The following UMODL1 variants were observed in gnomAD, a reference collection of about 807,000 sequenced individuals.
The protein encoded by UMODL1 is uromodulin like 1.
In UMODL1, 128 loss-of-function variants were observed where a neutral mutation model predicts 136.3. The observed-to-expected ratio is 0.94, with a 90% confidence interval of 0.81 to 1.09. The LOEUF (loss-of-function observed/expected upper bound fraction) is 1.09, where lower values mean the gene tolerates loss of function less well. Among genes scored for constraint, UMODL1 ranks in the 50% least tolerant of loss-of-function variants. The pLI, the probability that UMODL1 is intolerant of heterozygous loss-of-function variation, is 0.00. For synonymous variants in UMODL1, 721 were observed against 720.0 expected (o/e 1.00, Z -0.02); for missense variants, 1,766 against 1,725.6 (o/e 1.02, Z -0.41).
chr21:42,094,189 A>G (rs1018423745), intron 6 of UMODL1, among the ~76,000 whole-genome samples: 2 of 152,294 alleles, frequency 1.3e-5, no homozygotes, highest in Non-Finnish European at 2.9e-5. Context: ...GCCAAACACA[A>G]AGAGGGGAGG....
chr21:42,096,585 G>A (rs1027855862), intron 6 of UMODL1, among the ~76,000 whole-genome samples: 3 of 152,286 alleles, frequency 2.0e-5, no homozygotes, highest in Non-Finnish European at 2.9e-5. Flanking sequence ...TATAGAATGC[G>A]TTTTTAAATG....
At position 42,135,100 on chromosome 21, in the gene UMODL1, A is replaced by G. The variant is rs548841963; in HGVS notation, c.3776-2339A>G. Among the ~76,000 whole-genome samples the G allele has an allele frequency of 5.3e-5, 8 of 152,286 alleles. No homozygotes were observed. The South Asian group carries it at 1.5e-3, about 28-fold the overall frequency. On this transcript the variant is annotated intron_variant, in intron 21 of 22. Transcript: ENST00000408910. ...TATATCCCCCTTTACAAAAGCAGCC[A>G]TTGCTGAATTTCAGCCGTCATTTAA...
chr21:42,066,630 C>A (rs575913153), upstream of UMODL1, among the ~76,000 whole-genome samples: 1 of 152,320 alleles, frequency 6.6e-6, no homozygotes, highest in East Asian at 1.9e-4. Flanking sequence ...AAACCACCTC[C>A]TGTCATGAAG....
In UMODL1 at chr21:42,099,604, C is replaced by A. The variant is rs928438494; in HGVS notation, c.1186+424C>A. On this transcript the variant is annotated intron_variant, in intron 7 of 22. Transcript: ENST00000408910. The surrounding 1 kb of genome is among the most constrained non-coding windows in gnomAD (Gnocchi z 4.1). ...AGTTCCCTCCCCGAGAGGGGAGCAT[C>A]GCTGACGTTTTCACGCCTTGCTTCA... Among the ~76,000 whole-genome samples, 2 of 152,230 alleles carry A rather than the reference C, an allele frequency of 1.3e-5. No homozygotes were observed. Among genetic ancestry groups the A allele is most frequent in the Non-Finnish European group, 1.5e-5 (1 of 68,038 alleles).
In UMODL1 at chr21:42,095,089, G is replaced by GTTTTTTGTT. The variant is rs2066539447; in HGVS notation, c.932-3831_932-3830insGTTTTTTTT. Reference sequence around the variant, plus strand: ...CATCACTCCTTTGTTTTCTTCTGCTGTTTTTTTTTTTTTTTTTTTTTTTGA... The same window carrying GTTTTTTGTT: ...CATCACTCCTTTGTTTTCTTCTGCTGTTTTTTGTTTTTTTTTTTTTTTTTTTTTTTTTGA... On this transcript the variant is annotated intron_variant, in intron 6 of 22. Transcript: ENST00000408910. Among the ~76,000 whole-genome samples, 9 of 61,186 alleles carry GTTTTTTGTT rather than the reference G, an allele frequency of 1.5e-4. 1 individual carries two copies. Among genetic ancestry groups the GTTTTTTGTT allele is most frequent in the Non-Finnish European group, 2.3e-4 (8 of 34,348 alleles). The allele number at this position is 61,186 out of a possible 152,430, so 40.1% of individuals were successfully genotyped here.
In UMODL1 at chr21:42,103,991, G is replaced by A. The variant is rs375664111; in HGVS notation, c.1423G>A (p.Gly475Arg). The change falls in exon 9 of 23, where the codon GGG (glycine) becomes AGG (arginine). Residue 475 changes from glycine (G) to arginine (R), a missense_variant. Transcript: ENST00000408910. ...GCTCAAGCTCACCGTGCAGGACCCC[G>A]GGTTTCCCATGGGCATCTCCACGCT... ...VRLKLTVQDPGFPMGISTLAP... is the reference protein window; with the variant it reads ...VRLKLTVQDPRFPMGISTLAP... The A allele has an allele frequency of 3.1e-5, 50 of 1,613,862 alleles. No individual in the cohort carries two copies. Among genetic ancestry groups the A allele is most frequent in the Non-Finnish European group, 3.8e-5 (45 of 1,180,020 alleles).
chr21:42,106,484 C>T lies in UMODL1; in HGVS notation c.1519+2397C>T, dbSNP rs561578264. On this transcript the variant is annotated intron_variant, in intron 9 of 22. Coordinates refer to ENST00000408910, the MANE Select transcript of UMODL1 (RefSeq NM_001004416.3). ...GCCGGTGCGTCCACATGTCCCAACCCCGATAGATGAGGCGCTGTTCGCCCG... is the reference window on the plus strand; with the variant it reads ...GCCGGTGCGTCCACATGTCCCAACCTCGATAGATGAGGCGCTGTTCGCCCG... 1.2e-4 allele frequency among the ~76,000 whole-genome samples: 19 copies of T among 152,346 alleles called. No individual in the cohort carries two copies. The South Asian group carries it at 1.4e-3, about 12-fold the overall frequency.
intron 10 of UMODL1, among the ~76,000 whole-genome samples, chr21:42,110,042 G>C (rs947252567): frequency 2.0e-5 from 3 of 152,092 alleles, no homozygotes; most frequent in Admixed American, 6.5e-5. Flanking sequence ...GCCCGGGGTC[G>C]AGGGATTCCT....
chr21:42,131,006 A>G (rs1009949518), intron 21 of UMODL1, among the ~76,000 whole-genome samples: 3 of 151,802 alleles, frequency 2.0e-5, no homozygotes, highest in Non-Finnish European at 1.5e-5. Flanking sequence ...GTAGAGACGG[A>G]GTTTCACTGT....
chr21:42,107,651 C>T (rs939937117), intron 9 of UMODL1, among the ~76,000 whole-genome samples: 10 of 152,204 alleles, frequency 6.6e-5, no homozygotes, highest in Admixed American at 3.9e-4. Context: ...ATCTGACACA[C>T]GCCCCCAGGA....
At chr21:42,096,676 C>A (rs1044034738) in intron 6 of UMODL1, among the ~76,000 whole-genome samples, 4 of 152,178 alleles carry the variant, frequency 2.6e-5, no homozygotes, top group Non-Finnish European at 5.9e-5. Context: ...TGAATGGCAA[C>A]AAGGAGGCAA....
intron 20 of UMODL1, among the ~76,000 whole-genome samples, chr21:42,129,500 G>C (rs750934365): frequency 1.3e-5 from 2 of 152,062 alleles, no homozygotes; most frequent in African/African-American, 4.8e-5. Context: ...TTCCTTCCCC[G>C]CTGACGCCTG....
At chr21:42,064,090 G>A (rs377263725) in intron 1 of UMODL1, among the ~76,000 whole-genome samples, 3 of 152,136 alleles carry the variant, frequency 2.0e-5, no homozygotes, top group East Asian at 1.9e-4. Flanking sequence ...TGTCGAGCCC[G>A]AGGTGAATGT....
chr21:42,088,704 C>CT (rs2066456418), intron 5 of UMODL1, among the ~76,000 whole-genome samples: 1 of 152,100 alleles, frequency 6.6e-6, no homozygotes, highest in African/African-American at 2.4e-5. Context: ...ACCTCTAGAA[C>CT]TTATTTTGCC....
intron 2 of UMODL1, 43 bp from the exon 3 acceptor site, chr21:42,084,041 G>C (rs762359034): frequency 2.4e-5 from 38 of 1,600,220 alleles, no homozygotes; most frequent in Non-Finnish European, 2.9e-5. Flanking sequence ...AATCAGGTTT[G>C]TCTTTTATCG....
rs139481180 is a variant in UMODL1 at position 42,103,948 on chromosome 21, G to A, written c.1380G>A (p.Ala460=). ...GAATGCAGATCGTGTCTCTCCAGGC[G>A]GGAAGTGTGGTCGTGAGGCTCAAGC... ...KLRMQIVSLQ[A]GSVVVRLKLT... The change falls in exon 9 of 23, where the codon GCG becomes GCA. Residue 460 remains alanine, a synonymous_variant. Transcript: ENST00000408910. The A allele has an allele frequency of 4.9e-5, 79 of 1,614,008 alleles. No individual in the cohort carries two copies. The highest frequency in any genetic ancestry group is 8.0e-5 in the African/African-American group (6 of 74,908).
At chr21:42,126,323 T>A (rs1193591304) in intron 17 of UMODL1, 22 bp from the exon 18 acceptor site, 2 of 1,613,360 alleles carry the variant, frequency 1.2e-6, no homozygotes, top group Non-Finnish European at 1.7e-6. Flanking sequence ...TGGGAGCTCC[T>A]CATGCTCCGC....
chr21:42,135,014 CCAT>C (rs1230094455), intron 21 of UMODL1, among the ~76,000 whole-genome samples: 1 of 152,164 alleles, frequency 6.6e-6, no homozygotes, highest in Non-Finnish European at 1.5e-5. Context: ...TTTGCTGCAC[CCAT>C]CAACCCATCA....
rs571774165 is a variant in UMODL1 at position 42,088,132 on chromosome 21, T to C, written c.604-162T>C. On this transcript the variant is annotated intron_variant, in intron 4 of 22. Transcript: ENST00000408910. Reference sequence around the variant, plus strand: ...ATAGTTCCGGTTTGTAGGACTTCTATTGGGATAGTGATGGATAGATAAGTA... The same window carrying C: ...ATAGTTCCGGTTTGTAGGACTTCTACTGGGATAGTGATGGATAGATAAGTA... 4.6e-5 allele frequency among the ~76,000 whole-genome samples: 7 copies of C among 152,312 alleles called. No individual in the cohort carries two copies. The East Asian group carries it at 5.8e-4, about 13-fold the overall frequency.
Sources: gnomAD v4.1 joint callset for allele counts (sites outside exome capture counted in the v4.1 genomes callset) on GRCh38, gnomAD v4.1.1 for gene constraint, Gnocchi (gnomAD v3.1) non-coding constraint, MANE v1.5 for transcripts, NCBI Gene and HGNC (gene_info 2026-07-23, HGNC 2026-07-21) for gene names.